The following NFRKB variants were observed in gnomAD, a reference collection of about 807,000 sequenced individuals.
NFRKB encodes the protein nuclear factor related to kappaB binding protein.
A neutral mutation model predicts 135.7 loss-of-function variants in NFRKB; 62 were observed. The observed-to-expected ratio is 0.46, with a 90% CI of 0.37 to 0.56. The LOEUF (loss-of-function observed/expected upper bound fraction) is 0.56. Ranked by LOEUF, NFRKB falls within the 20% of genes least tolerant of loss-of-function variation. The pLI is 0.00. For synonymous variants in NFRKB, 678 were observed against 635.6 expected (o/e 1.07, Z -1.00); for missense variants, 1,545 against 1,662.0 (o/e 0.93, Z 1.22).
intron 3 of NFRKB, among the ~76,000 whole-genome samples, chr11:129,890,939 A>G (rs563336656): frequency 3.0e-4 from 45 of 152,300 alleles, no homozygotes; most frequent in African/African-American, 1.0e-3. Flanking sequence ...AAAAATGTTT[A>G]TTTATTTTCT....
chr11:129,873,134 C>T (rs11604820), intron 22 of NFRKB, 38 bp from the exon 23 acceptor site: 1 of 1,509,720 alleles, frequency 6.6e-7, no homozygotes, highest in Non-Finnish European at 9.0e-7. Context: ...TAATTAGACT[C>T]TAAGATGCAG....
Position 129,864,842 on chromosome 11 carries a change from G to A in NFRKB, c.3783C>T (p.Ile1261=). 4 of 1,614,220 alleles carry A rather than the reference G, an allele frequency of 2.5e-6. No individual in the cohort carries two copies. The highest frequency in any genetic ancestry group is 3.4e-6 in the Non-Finnish European group (4 of 1,180,038). The change falls in exon 27 of 27, where the codon ATC becomes ATT. Residue 1261 remains isoleucine (I), a synonymous_variant. Transcript: ENST00000682444. ...GGAGATGGGATGCAGGGACAGTCTG[G>A]ATGCGCACCTGTTTGCAAAGACAGA... ...QQQGQATQVR[I]QTVPASHLQQ... is the part of the protein sequence containing the mutation.
chr11:129,882,555 G>C lies in NFRKB; in HGVS notation c.978C>G (p.Ile326Met). 4 of 1,614,034 alleles carry C rather than the reference G, an allele frequency of 2.5e-6. No homozygotes were observed. Among genetic ancestry groups the C allele is most frequent in the Non-Finnish European group, 3.4e-6 (4 of 1,179,980 alleles). The change falls in exon 10 of 27, where the codon ATC becomes ATG. Residue 326 changes from isoleucine to methionine, a missense_variant. Ile to Met is a conservative substitution (Grantham distance 10, BLOSUM62 1). Around this residue, in one of 3 missense-constraint regions of NFRKB, gnomAD observed 678 missense variants for 646.7 expected, o/e 1.05. Transcript: ENST00000682444. ...EEKKKKKIKT[I>M]KSEAEDLAEP... ...CGGCCAGGTCCTCTGCCTCTGATTTGATCGTTTTTATTTTCTTCTTCTTCT... is the reference window on the plus strand; with the variant it reads ...CGGCCAGGTCCTCTGCCTCTGATTTCATCGTTTTTATTTTCTTCTTCTTCT...
At chr11:129,884,721 T>G (rs762828253) in intron 7 of NFRKB, 24 bp downstream of exon 7, 1 of 1,612,490 alleles carries the variant, frequency 6.2e-7, no homozygotes, top group East Asian at 2.2e-5. Context: ...CCCAGAATGG[T>G]GACAGCGGCA....
intron 13 of NFRKB, among the ~76,000 whole-genome samples, chr11:129,880,824 G>A (rs545160889): frequency 1.6e-4 from 25 of 152,278 alleles, no homozygotes; most frequent in African/African-American, 4.6e-4. Context: ...ACGAATGAAT[G>A]AGTCTACCGT....
chr11:129,884,899 G>A (rs1178702169), intron 6 of NFRKB, 53 bp from the exon 7 acceptor site: 1 of 1,613,094 alleles, frequency 6.2e-7, no homozygotes, highest in Admixed American at 1.7e-5. Flanking sequence ...ACTCCAATAG[G>A]GGAGATTGGG....
chr11:129,879,759 G>T (rs1377276164), intron 13 of NFRKB, among the ~76,000 whole-genome samples: 1 of 151,982 alleles, frequency 6.6e-6, no homozygotes, highest in Non-Finnish European at 1.5e-5. Context: ...TCCTCCTCAG[G>T]TAACAGCATC....
intron 4 of NFRKB, among the ~76,000 whole-genome samples, chr11:129,886,966 A>C (rs1949309024): frequency 6.6e-6 from 1 of 152,196 alleles, no homozygotes; most frequent in African/African-American, 2.4e-5. Context: ...AACCCACCAA[A>C]GAAGGGAATG....
At chr11:129,872,410 T>C (rs1298544748) in intron 23 of NFRKB, among the ~76,000 whole-genome samples, 1 of 152,222 alleles carries the variant, frequency 6.6e-6, no homozygotes, top group Non-Finnish European at 1.5e-5. Flanking sequence ...AAGATTAGAC[T>C]ATTTAACAAG....
chr11:129,869,792 G>A lies in NFRKB; in HGVS notation c.3233C>T (p.Ala1078Val). 6.2e-7 allele frequency: 1 copy of A among 1,614,252 alleles called. No individual in the cohort carries two copies. Among genetic ancestry groups the A allele is most frequent in the Non-Finnish European group, 8.5e-7 (1 of 1,180,052 alleles). The change falls in exon 24 of 27, where the codon GCC becomes GTC. Residue 1078 changes from alanine (A) to valine (V), a missense_variant. This residue lies in a region of NFRKB where 753 missense variants were observed against 804.3 expected (regional missense o/e 0.94). Coordinates refer to ENST00000682444, the MANE Select transcript of NFRKB (RefSeq NM_001143835.2). ...GGCAGCTGGTTTTGCTTCTGAAGAG[G>A]CCACTGTGCTTTTTCCCTTCTGGTC... ...VADQKGKSTV[A>V]SSEAKPAATI...
At chr11:129,893,060 AC>A (rs756534413) in intron 2 of NFRKB, 190 bp from the exon 3 acceptor site, 94 of 1,429,770 alleles carry the variant, frequency 6.6e-5, no homozygotes, top group Non-Finnish European at 8.3e-5. Context: ...TTCAAGTCTT[AC>A]CTGGAAGAGC....
chr11:129,892,810 G>A lies in NFRKB; in HGVS notation c.40C>T (p.Leu14Phe), dbSNP rs373535416. 23 of 1,614,090 alleles carry A rather than the reference G, an allele frequency of 1.4e-5. No individual in the cohort carries two copies. Among genetic ancestry groups the A allele is most frequent in the Non-Finnish European group, 1.8e-5 (21 of 1,180,050 alleles). The change falls in exon 3 of 27, where the codon CTT (leucine) becomes TTT (phenylalanine). Residue 14 changes from leucine (L) to phenylalanine (F), a missense_variant. Physicochemically the swap from Leu to Phe is conservative, Grantham distance 22. This residue lies in a region of NFRKB where 678 missense variants were observed against 646.7 expected (regional missense o/e 1.05). Transcript: ENST00000682444. ...LDHMLTDPLE[L>F]GPCGDGHGTR... ...CCATGGCCATCTCCACACGGACCAAGTTCCAGAGGATCTGTCAGCATATGG... is the reference window on the plus strand; with the variant it reads ...CCATGGCCATCTCCACACGGACCAAATTCCAGAGGATCTGTCAGCATATGG...
Position 129,892,824 on chromosome 11 carries a change from G to C in NFRKB, c.26C>G (p.Thr9Arg). 1.9e-6 allele frequency: 3 copies of C among 1,614,186 alleles called. No individual in the cohort carries two copies. Among genetic ancestry groups the C allele is most frequent in the Non-Finnish European group, 2.5e-6 (3 of 1,180,036 alleles). MDSLDHML[T>R]DPLELGPCGD... Reference sequence around the variant, plus strand: ...ACACGGACCAAGTTCCAGAGGATCTGTCAGCATATGGTCTAAGGAATCCAT... The same window carrying C: ...ACACGGACCAAGTTCCAGAGGATCTCTCAGCATATGGTCTAAGGAATCCAT... The change falls in exon 3 of 27, where the codon ACA (threonine) becomes AGA (arginine). Residue 9 changes from threonine to arginine, a missense_variant. Coordinates refer to ENST00000682444, the MANE Select transcript of NFRKB (RefSeq NM_001143835.2).
At chr11:129,869,060 A>G (rs1243400615) in intron 24 of NFRKB, among the ~76,000 whole-genome samples, 2 of 152,158 alleles carry the variant, frequency 1.3e-5, no homozygotes, top group African/African-American at 2.4e-5. Flanking sequence ...CAGAATATAT[A>G]AAGTCTCTCA....
At chr11:129,881,347 C>A (rs1166628085) in intron 13 of NFRKB, 96 bp downstream of exon 13, 2 of 1,266,496 alleles carry the variant, frequency 1.6e-6, no homozygotes, top group African/African-American at 3.0e-5. Flanking sequence ...TTTTTAAAAC[C>A]AATCTGCAGG....
chr11:129,865,763 C>G lies in NFRKB; in HGVS notation c.3638+114G>C, dbSNP rs1471698556. On this transcript the variant is annotated intron_variant, in intron 25 of 26. Coordinates refer to ENST00000682444, the MANE Select transcript of NFRKB (RefSeq NM_001143835.2). ...GATGAGCACAATAAAGCAGAGGTGT[C>G]AAAGAAGGGCCCCAGAAAGACCAGC... is the stretch of plus-strand genomic sequence containing the variant. 8.5e-6 allele frequency: 7 copies of G among 824,838 alleles called. No individual in the cohort carries two copies. The East Asian group carries it at 1.6e-4, about 18-fold the overall frequency. 51.1% of individuals were successfully genotyped at this position (824,838 alleles called of 1,614,324 possible). A position where few individuals can be genotyped will look rare whatever the true frequency, so the allele number is the denominator to read the frequency against.
intron 5 of NFRKB, among the ~76,000 whole-genome samples, 174 bp downstream of exon 5, chr11:129,886,143 G>A (rs1949266374): frequency 6.6e-6 from 1 of 152,132 alleles, no homozygotes; most frequent in Non-Finnish European, 1.5e-5. Context: ...TCTGAAATCA[G>A]GACACATTTG....
intron 24 of NFRKB, among the ~76,000 whole-genome samples, chr11:129,867,677 T>G (rs2135633871): frequency 6.6e-6 from 1 of 152,336 alleles, no homozygotes; most frequent in Non-Finnish European, 1.5e-5. Flanking sequence ...TCATTTGACT[T>G]ATGTTTATAT....
At chr11:129,883,987 T>TG in intron 8 of NFRKB, 83 bp downstream of exon 8, 1 of 1,373,536 alleles carries the variant, frequency 7.3e-7, no homozygotes, top group East Asian at 2.3e-5. Context: ...GACGAGGCAG[T>TG]GATGCCCCGT....
Sources: gnomAD v4.1 joint callset for allele counts (sites outside exome capture counted in the v4.1 genomes callset) on GRCh38, gnomAD v4.1.1 for gene constraint, gnomAD v4.1.1 regional missense constraint, MANE v1.5 for transcripts, NCBI Gene and HGNC (gene_info 2026-07-23, HGNC 2026-07-21) for gene names.